Variants in GPC5 observed in about 807,000 individuals in gnomAD.
The protein encoded by GPC5 is glypican 5.
Under a neutral mutation model 53.9 loss-of-function variants are expected in GPC5, and 47 were observed. The observed-to-expected ratio is 0.87, with a 90% CI of 0.69 to 1.11. The LOEUF is 1.11. Among genes scored for constraint, GPC5 ranks in the 50% most tolerant of loss-of-function variants. The pLI, the probability that GPC5 is intolerant of heterozygous loss-of-function variation, is 0.00. For missense variants in GPC5, 748 were observed against 713.1 expected (o/e 1.05, Z -0.56); for synonymous variants, 286 against 263.3 (o/e 1.09, Z -0.84).
At chr13:92,325,875 G>T (rs1015773005) in intron 7 of GPC5, among the ~76,000 whole-genome samples, 1 of 151,952 alleles carries the variant, frequency 6.6e-6, no homozygotes, top group South Asian at 2.1e-4. Context: ...TTACAAAGGG[G>T]CCTCACTATA....
chr13:92,365,327 T>C (rs1566558377), intron 7 of GPC5, among the ~76,000 whole-genome samples: 1 of 151,866 alleles, frequency 6.6e-6, no homozygotes, highest in East Asian at 1.9e-4. Context: ...TAAAATATAG[T>C]AGATAAAAGG....
At chr13:91,629,417 C>T (rs368206744) in intron 2 of GPC5, among the ~76,000 whole-genome samples, 89 of 151,976 alleles carry the variant, frequency 5.9e-4, no homozygotes, top group African/African-American at 2.0e-3. Context: ...TCAAGGTGGG[C>T]GGATCACCTG....
At chr13:92,265,279 T>G (rs2042795485) in intron 7 of GPC5, among the ~76,000 whole-genome samples, 1 of 152,160 alleles carries the variant, frequency 6.6e-6, no homozygotes, top group Admixed American at 6.5e-5. Context: ...TTCTCACCTC[T>G]CACTTTTTAC....
chr13:92,795,486 T>C (rs1876639572), intron 7 of GPC5, among the ~76,000 whole-genome samples: 1 of 152,112 alleles, frequency 6.6e-6, no homozygotes, highest in Non-Finnish European at 1.5e-5. Context: ...AAACACTTCT[T>C]GACTCAAACA....
intron 7 of GPC5, among the ~76,000 whole-genome samples, chr13:92,185,548 T>C (rs1289218273): frequency 6.6e-6 from 1 of 152,070 alleles, no homozygotes; most frequent in Non-Finnish European, 1.5e-5. Flanking sequence ...TAAGAAGAAA[T>C]GAATTTTTTT....
At chr13:92,381,931 AT>A (rs1340718184) in intron 7 of GPC5, among the ~76,000 whole-genome samples, 48 of 128,644 alleles carry the variant, frequency 3.7e-4, no homozygotes, top group East Asian at 1.7e-3. Context: ...CATATATATG[AT>A]TATATATGAA....
Position 91,525,206 on chromosome 13 carries a change from C to A in GPC5, c.325+76284C>A, listed in dbSNP as rs536484290. On this transcript the variant is annotated intron_variant, in intron 2 of 7. Coordinates refer to ENST00000377067, the MANE Select transcript of GPC5 (RefSeq NM_004466.6). ...TTTAGAGGAATCTTACTTTTCCCCC[C>A]AAGAAATGTTATTAGTAGTCTGTTA... Among the ~76,000 whole-genome samples, 69 of 152,164 alleles carry A rather than the reference C, an allele frequency of 4.5e-4. 2 individuals are homozygous for A. The highest frequency in any genetic ancestry group is 2.1e-4 in the South Asian group (1 of 4,816).
At chr13:92,791,977 A>G (rs1473704993) in intron 7 of GPC5, among the ~76,000 whole-genome samples, 1 of 152,076 alleles carries the variant, frequency 6.6e-6, no homozygotes, top group Non-Finnish European at 1.5e-5. Context: ...CAATATCCTC[A>G]TATATAATTT....
At chr13:92,736,802 A>G (rs568216628) in intron 7 of GPC5, among the ~76,000 whole-genome samples, 10 of 145,308 alleles carry the variant, frequency 6.9e-5, no homozygotes, top group Non-Finnish European at 1.5e-5. Flanking sequence ...CTATAGCTGT[A>G]GCCTATTTTT....
intron 7 of GPC5, among the ~76,000 whole-genome samples, chr13:92,576,495 G>A (rs953982474): frequency 6.6e-6 from 1 of 152,196 alleles, no homozygotes; most frequent in Non-Finnish European, 1.5e-5. Context: ...TGGCACTTCT[G>A]CTAGAGCAAG....
chr13:92,173,587 T>C (rs920475822), intron 7 of GPC5, among the ~76,000 whole-genome samples: 2 of 152,176 alleles, frequency 1.3e-5, no homozygotes, highest in Non-Finnish European at 2.9e-5. Flanking sequence ...TTTTTAGGAG[T>C]TGGTTTAATA....
intron 7 of GPC5, among the ~76,000 whole-genome samples, chr13:92,412,519 C>A (rs747887512): frequency 6.6e-6 from 1 of 152,032 alleles, no homozygotes; most frequent in Non-Finnish European, 1.5e-5. Context: ...ATTCTTAAAC[C>A]GTTGGAAAAC....
chr13:91,730,203 T>C (rs1299345883), intron 4 of GPC5, among the ~76,000 whole-genome samples: 6 of 152,238 alleles, frequency 3.9e-5, no homozygotes, highest in African/African-American at 7.2e-5. Flanking sequence ...GGGGCTTCAT[T>C]GCCATGGCAT....
chr13:92,272,310 CAT>C (rs1227335254), intron 7 of GPC5, among the ~76,000 whole-genome samples: 1 of 152,150 alleles, frequency 6.6e-6, no homozygotes, highest in Non-Finnish European at 1.5e-5. Context: ...TCATAGAACA[CAT>C]AGGCTGTCTG....
At chr13:91,407,708 A>G (rs993322127) in intron 1 of GPC5, among the ~76,000 whole-genome samples, 1 of 152,074 alleles carries the variant, frequency 6.6e-6, no homozygotes, top group Admixed American at 6.5e-5. Flanking sequence ...ACTATTCCTG[A>G]GCTGATCATT....
chr13:91,802,758 ATAT>A (rs906290608), intron 5 of GPC5, among the ~76,000 whole-genome samples: 1 of 152,148 alleles, frequency 6.6e-6, no homozygotes, highest in African/African-American at 2.4e-5. Flanking sequence ...TATTAGCATA[ATAT>A]TAAATAAAGT....
At chr13:92,650,155 A>T (rs1566342151) in intron 7 of GPC5, among the ~76,000 whole-genome samples, 1 of 152,106 alleles carries the variant, frequency 6.6e-6, no homozygotes, top group African/African-American at 2.4e-5. Context: ...CAATATACCT[A>T]ATTCTTCAGT....
At chr13:92,121,003 T>C (rs1354802362) in intron 6 of GPC5, among the ~76,000 whole-genome samples, 1 of 152,338 alleles carries the variant, frequency 6.6e-6, no homozygotes, top group Middle Eastern at 3.4e-3. Context: ...AGTTCTTCAA[T>C]TGAACACAGT....
intron 2 of GPC5, among the ~76,000 whole-genome samples, chr13:91,672,335 C>T (rs945813046): frequency 7.2e-5 from 11 of 152,118 alleles, no homozygotes; most frequent in African/African-American, 2.7e-4. Context: ...TTGCAATCTA[C>T]CTATCTGACA....
Sources: allele counts gnomAD v4.1 joint callset (sites outside exome capture counted in the v4.1 genomes callset), GRCh38; gene constraint gnomAD v4.1.1; transcripts MANE v1.5; gene names NCBI Gene and HGNC (gene_info 2026-07-23, HGNC 2026-07-21).